COBL: variants seen among roughly 807,000 people sequenced by gnomAD.
The protein encoded by COBL is protein cordon-bleu.
A neutral mutation model predicts 98.8 loss-of-function variants in COBL; 51 were observed. That is an observed-to-expected ratio of 0.52 (90% CI 0.41 to 0.65). COBL has a LOEUF of 0.65. COBL is among the 30% of genes least tolerant of loss of function. The probability of loss-of-function intolerance (pLI) is 0.00; values close to 1 mark genes in which losing one functional copy is unlikely to be tolerated. For missense variants in COBL, 1,617 were observed against 1,617.5 expected, an observed-to-expected ratio of 1.00 and a Z score of 0.01; for synonymous variants, 634 against 651.7, an observed-to-expected ratio of 0.97 and a Z score of 0.41.
chr7:51,117,529 A>G (rs867436753), intron 6 of COBL, among the ~76,000 whole-genome samples: 27 of 151,978 alleles, frequency 1.8e-4, no homozygotes, highest in African/African-American at 6.5e-4. Flanking sequence ...GTGTTCTTCC[A>G]TTCTAGAATT....
At position 51,043,482 on chromosome 7, in the gene COBL, T is replaced by G. The variant is rs779222043; in HGVS notation, c.1307A>C (p.Gln436Pro). 8 of 1,614,244 alleles carry G rather than the reference T, an allele frequency of 5.0e-6. No individual in the cohort carries two copies. The East Asian group carries it at 1.8e-4, about 36-fold the overall frequency. ...MKYKDKWATD[Q>P]EDCSDQDLAG... ...GAGGTCCTGGTCACTGCAGTCTTCC[T>G]GGTCTGTGGCCCACTTGTCTTTGTA... Residue 436 changes from glutamine to proline, a missense_variant, in exon 8 of 13, where the codon CAG becomes CCG. Gln to Pro is a moderately conservative substitution (Grantham distance 76). Coordinates refer to ENST00000265136, the MANE Select transcript of COBL (RefSeq NM_015198.5).
At chr7:51,163,848 A>C (rs1393953682) in intron 5 of COBL, among the ~76,000 whole-genome samples, 4 of 152,214 alleles carry the variant, frequency 2.6e-5, no homozygotes, top group Non-Finnish European at 5.9e-5. Flanking sequence ...GTGAGTCTTC[A>C]GGGTAGATTT....
intron 2 of COBL, among the ~76,000 whole-genome samples, chr7:51,212,132 T>C (rs1166529650): frequency 1.3e-5 from 2 of 152,154 alleles, no homozygotes; most frequent in Non-Finnish European, 2.9e-5. Context: ...TAAATGTTAT[T>C]TTTTTTGTAT....
At position 51,191,003 on chromosome 7, in the gene COBL, G is replaced by A; in HGVS notation, c.532C>T (p.Gln178Ter). The change falls in exon 4 of 13, where the codon CAG (glutamine) becomes TAG (stop). Residue 178 changes from glutamine (Q) to a stop codon, truncating the protein, a stop_gained. Coordinates refer to ENST00000265136, the MANE Select transcript of COBL (RefSeq NM_015198.5). LOFTEE classifies it high-confidence loss of function. ...GCACAAATGACTGGGAGAATATTCT[G>A]GAGAGGAACCTCAGGGCTCACACGC... is the stretch of plus-strand genomic sequence containing the variant. ...VVRVSPEVPL[Q>*]NILPVICAKC... 6.2e-7 allele frequency: 1 copy of A among 1,614,196 alleles called. No homozygotes were observed. Among genetic ancestry groups the A allele is most frequent in the Non-Finnish European group, 8.5e-7 (1 of 1,180,036 alleles).
At chr7:51,120,347 T>C (rs1797636542) in intron 6 of COBL, among the ~76,000 whole-genome samples, 1 of 152,064 alleles carries the variant, frequency 6.6e-6, no homozygotes, top group South Asian at 2.1e-4. Context: ...ACTGAAAATA[T>C]TTTACTCAAA....
At chr7:51,110,154 T>C (rs1307346085) in intron 6 of COBL, among the ~76,000 whole-genome samples, 2 of 152,226 alleles carry the variant, frequency 1.3e-5, no homozygotes, top group Non-Finnish European at 2.9e-5. Context: ...AACTATACAA[T>C]AGTTATTGTT....
chr7:51,222,192 A>AATAAT (rs1563057543), intron 1 of COBL, among the ~76,000 whole-genome samples: 2 of 149,898 alleles, frequency 1.3e-5, no homozygotes, highest in Admixed American at 6.7e-5. Context: ...TCCGTCTCAA[A>AATAAT]AATAATAATA....
intron 6 of COBL, among the ~76,000 whole-genome samples, chr7:51,102,420 A>C (rs1490254098): frequency 1.3e-5 from 2 of 152,182 alleles, no homozygotes; most frequent in Non-Finnish European, 2.9e-5. Context: ...TAACTTAAAG[A>C]GGACAGATAA....
At chr7:51,259,861 C>A (rs1278306513) in intron 1 of COBL, 4 of 756,216 alleles carry the variant, frequency 5.3e-6, no homozygotes, top group Non-Finnish European at 9.7e-6. Context: ...TGGTTCTCTG[C>A]ACCAGTAAAC....
chr7:51,262,389 G>A (rs1394723825), intron 1 of COBL, among the ~76,000 whole-genome samples: 5 of 152,198 alleles, frequency 3.3e-5, no homozygotes, highest in South Asian at 2.1e-4. Flanking sequence ...GTTTCCGGAC[G>A]AAACCGTGTC....
intron 6 of COBL, among the ~76,000 whole-genome samples, chr7:51,128,429 G>A (rs1342188960): frequency 6.6e-6 from 1 of 151,940 alleles, no homozygotes; most frequent in Admixed American, 6.6e-5. Context: ...ACCAAACTGA[G>A]TGAAGGGAAT....
chr7:51,205,549 T>C (rs748943059), intron 2 of COBL, among the ~76,000 whole-genome samples: 2 of 151,548 alleles, frequency 1.3e-5, no homozygotes, highest in African/African-American at 2.4e-5. Context: ...AATATAAGAT[T>C]TGAAGCCATA....
rs754320651 is a variant in COBL at position 51,029,245 on chromosome 7, G to GTTA, written c.1848_1850dup (p.Asn617dup). ...CCATTAGATTCCCATCTTTAGAGAT[G>GTTA]TTAGATAAGGCCACACGGATTCCTT... On this transcript the variant is annotated inframe_insertion, in exon 10 of 13. Coordinates refer to ENST00000265136, the MANE Select transcript of COBL (RefSeq NM_015198.5). The GTTA allele has an allele frequency of 1.2e-5, 20 of 1,613,528 alleles. No individual in the cohort carries two copies. Among genetic ancestry groups the GTTA allele is most frequent in the Non-Finnish European group, 1.6e-5 (19 of 1,179,702 alleles).
At chr7:51,035,069 G>A (rs1317822487) in intron 8 of COBL, 1 of 152,218 alleles carries the variant, frequency 6.6e-6, no homozygotes, top group Non-Finnish European at 1.5e-5. Flanking sequence ...CTGCGTCCTT[G>A]GGCCCAGCCT....
chr7:51,262,388 C>A (rs192149180), intron 1 of COBL, among the ~76,000 whole-genome samples: 1 of 152,128 alleles, frequency 6.6e-6, no homozygotes, highest in African/African-American at 2.4e-5. Flanking sequence ...AGTTTCCGGA[C>A]GAAACCGTGT....
chr7:51,308,003 C>T (rs565379478), intron 1 of COBL, among the ~76,000 whole-genome samples: 1 of 152,214 alleles, frequency 6.6e-6, no homozygotes, highest in East Asian at 1.9e-4. Flanking sequence ...AGGAAGTTTT[C>T]AGTTCCACCC....
At chr7:51,113,250 A>C (rs1026644831) in intron 6 of COBL, among the ~76,000 whole-genome samples, 1 of 152,266 alleles carries the variant, frequency 6.6e-6, no homozygotes, top group Non-Finnish European at 1.5e-5. Context: ...GGTGCAAAGT[A>C]CTACTCAGAA....
chr7:51,231,780 G>A (rs76184217), intron 1 of COBL, among the ~76,000 whole-genome samples: 7,568 of 152,188 alleles, frequency 0.05, 450 homozygotes, highest in African/African-American at 0.13. Context: ...GCTGAGGGTG[G>A]GACCCCCACA....
intron 7 of COBL, among the ~76,000 whole-genome samples, chr7:51,069,322 G>A (rs1415978666): frequency 6.6e-6 from 1 of 152,272 alleles, no homozygotes; most frequent in Admixed American, 6.5e-5. Context: ...AGTTTGTGCT[G>A]CATCTGCCTC....
Sources: allele counts gnomAD v4.1 joint callset (sites outside exome capture counted in the v4.1 genomes callset), GRCh38; gene constraint gnomAD v4.1.1; transcripts MANE v1.5; gene names NCBI Gene and HGNC (gene_info 2026-07-23, HGNC 2026-07-21).